The following ZSWIM4 variants were observed in gnomAD, a reference collection of about 807,000 sequenced individuals.
The protein encoded by ZSWIM4 is zinc finger SWIM-type containing 4, also known as zinc finger SWIM domain-containing protein 4.
In ZSWIM4, 62 loss-of-function variants were observed where a neutral mutation model predicts 102.5. The ratio of observed to expected loss-of-function variants is 0.60; its 90% CI spans 0.49 to 0.75. The LOEUF (loss-of-function observed/expected upper bound fraction) is 0.75. Ranked by LOEUF, ZSWIM4 falls within the 30% of genes least tolerant of loss-of-function variation. The pLI is 0.00. For missense variants in ZSWIM4, 1,280 were observed against 1,529.6 expected (o/e 0.84, Z 2.72); for synonymous variants, 652 against 674.5 (o/e 0.97, Z 0.52).
chr19:13,799,887 C>G lies in ZSWIM4; in HGVS notation c.321C>G (p.Leu107=), dbSNP rs763027786. The G allele has an allele frequency of 6.2e-7, 1 of 1,612,812 alleles. No homozygotes were observed. The highest frequency in any genetic ancestry group is 1.3e-5 in the African/African-American group (1 of 74,914). The change falls in exon 2 of 14, where the codon CTC becomes CTG. Residue 107 remains leucine (L), a synonymous_variant. Coordinates refer to ENST00000590508, the MANE Select transcript of ZSWIM4 (RefSeq NM_001367834.3). ...RVPFTRGLHL[L]QSGAVDRVLQ... is the part of the protein sequence containing the mutation. ...CCTTTACCCGCGGGCTGCACCTGCT[C>G]CAGAGCGGGGCCGTGGACCGCGTGT... is the stretch of plus-strand genomic sequence containing the variant.
chr19:13,799,089 A>G (rs886759575), intron 1 of ZSWIM4, among the ~76,000 whole-genome samples: 1 of 150,322 alleles, frequency 6.7e-6, no homozygotes, highest in African/African-American at 2.5e-5. Flanking sequence ...GCCCTGACCT[A>G]TTTTTTTTGA....
At chr19:13,820,419 A>G (rs1379515199) in intron 10 of ZSWIM4, among the ~76,000 whole-genome samples, 1 of 152,092 alleles carries the variant, frequency 6.6e-6, no homozygotes, top group Non-Finnish European at 1.5e-5. Context: ...TATTTTTTGT[A>G]GAGACGGGGT....
intron 12 of ZSWIM4, among the ~76,000 whole-genome samples, chr19:13,827,569 G>A (rs1462280357): frequency 7.6e-5 from 11 of 145,618 alleles, no homozygotes; most frequent in African/African-American, 2.3e-4. Flanking sequence ...CTTCAGCCCC[G>A]GCGACAGAGT....
Position 13,795,655 on chromosome 19 carries a change from C to T in ZSWIM4, c.7C>T (p.Pro3Ser), listed in dbSNP as rs1974588785. The change falls in exon 1 of 14, where the codon CCC becomes TCC. Residue 3 changes from proline to serine, a missense_variant. Pro to Ser is a moderately conservative substitution (Grantham distance 74). Transcript: ENST00000590508. ME[P>S]PAAKRSRGCP... ...CTGGCCCCGGCCGGGCCGGATGGAA[C>T]CCCCCGCGGCCAAGCGGAGCCGGGG... The T allele has an allele frequency of 1.3e-6, 1 of 751,784 alleles. No homozygotes were observed. The highest frequency in any genetic ancestry group is 1.8e-6 in the Non-Finnish European group (1 of 569,520). 46.6% of individuals were successfully genotyped at this position (751,784 alleles called of 1,614,324 possible).
intron 3 of ZSWIM4, 62 bp from the exon 4 acceptor site, chr19:13,808,774 T>TCAACC (rs1230724084): frequency 2.5e-5 from 24 of 945,254 alleles, no homozygotes; most frequent in South Asian, 3.5e-5. Context: ...ACAGCTCTCC[T>TCAACC]CAACCCAACC....
At chr19:13,815,000 T>G in intron 7 of ZSWIM4, 135 bp downstream of exon 7, 1 of 338,904 alleles carries the variant, frequency 3.0e-6, no homozygotes, top group Non-Finnish European at 4.7e-6. Context: ...CTACAAAAAT[T>G]AAAAAAAAAA....
At chr19:13,803,473 T>C (rs975457161) in intron 2 of ZSWIM4, among the ~76,000 whole-genome samples, 3 of 152,122 alleles carry the variant, frequency 2.0e-5, no homozygotes, top group Non-Finnish European at 4.4e-5. Flanking sequence ...ATGATACTAT[T>C]CATAATTAAA....
intron 11 of ZSWIM4, among the ~76,000 whole-genome samples, chr19:13,824,502 C>T (rs148358485): frequency 0.01 from 1,546 of 152,000 alleles, 21 homozygotes; most frequent in African/African-American, 0.036. Context: ...GAGGCCGAGG[C>T]CGGGGGATCA....
Position 13,825,940 on chromosome 19 carries a change from C to A in ZSWIM4, c.2379+227C>A, listed in dbSNP as rs955846601. On this transcript the variant is annotated intron_variant, in intron 12 of 13. Transcript: ENST00000590508. This position sits in a 1 kb window ranked among gnomAD's most constrained non-coding sequence, Gnocchi z 4.6. ...GCGTGGCCTGAGTGTGGGCCACTTC[C>A]TTGGGGGCGTGGCATGAGTGAGCCA... Among the ~76,000 whole-genome samples, 1 of 152,016 alleles carries A rather than the reference C, an allele frequency of 6.6e-6. No homozygotes were observed. The highest frequency in any genetic ancestry group is 2.4e-5 in the African/African-American group (1 of 41,398).
rs759544167 is a variant in ZSWIM4, at chr19:13,809,101, A to G, written c.893A>G (p.Asn298Ser). Reference protein sequence around the residue: ...VREMLRMRDSNGARMLILMTE... With the variant: ...VREMLRMRDSSGARMLILMTE... Reference sequence around the variant, plus strand: ...GAGATGCTGCGAATGCGGGACTCCAACGGGGCGCGCATGCTGATTCTCATG... The same window carrying G: ...GAGATGCTGCGAATGCGGGACTCCAGCGGGGCGCGCATGCTGATTCTCATG... Residue 298 changes from asparagine (N) to serine (S), a missense_variant, in exon 5 of 14, where the codon AAC (asparagine) becomes AGC (serine). Transcript: ENST00000590508. The surrounding 1 kb of genome is among the most constrained non-coding windows in gnomAD (Gnocchi z 4.2). The G allele has an allele frequency of 2.5e-6, 4 of 1,613,610 alleles. No homozygotes were observed. Among genetic ancestry groups the G allele is most frequent in the South Asian group, 2.2e-5 (2 of 91,046 alleles).
At chr19:13,811,600 G>A (rs1229078543) in intron 5 of ZSWIM4, among the ~76,000 whole-genome samples, 1 of 152,146 alleles carries the variant, frequency 6.6e-6, no homozygotes, top group Non-Finnish European at 1.5e-5. Context: ...AAGGCTGAGT[G>A]AGGCAGGAGG....
intron 10 of ZSWIM4, among the ~76,000 whole-genome samples, chr19:13,821,742 G>A (rs1975468577): frequency 1.3e-5 from 2 of 151,102 alleles, no homozygotes; most frequent in South Asian, 4.2e-4. Context: ...TTTTTGAGAG[G>A]GAGTCTCACT....
intron 12 of ZSWIM4, among the ~76,000 whole-genome samples, chr19:13,826,163 C>G (rs144164847): frequency 6.6e-6 from 1 of 152,036 alleles, no homozygotes; most frequent in Non-Finnish European, 1.5e-5. Flanking sequence ...TAATAGAATC[C>G]GTCTATGGAG....
At position 13,825,406 on chromosome 19, in the gene ZSWIM4, C is replaced by A; in HGVS notation, c.2216-144C>A. The A allele has an allele frequency of 9.9e-7, 1 of 1,010,710 alleles. No homozygotes were observed. The highest frequency in any genetic ancestry group is 1.4e-6 in the Non-Finnish European group (1 of 691,192). The allele number at this position is 1,010,710 out of a possible 1,614,324, so 62.6% of individuals were successfully genotyped here. A position where few individuals can be genotyped will look rare whatever the true frequency, so the allele number is the denominator to read the frequency against. The stretch of plus-strand genomic sequence containing the variant: ...CTAGGGGCACTGAGGTCTGAATCTT[C>A]ACAGAACCATGGCCCAGTACACATC... On this transcript the variant is annotated intron_variant, in intron 11 of 13. Transcript: ENST00000590508. This position sits in a 1 kb window ranked among gnomAD's most constrained non-coding sequence, Gnocchi z 4.6.
Position 13,830,655 on chromosome 19 carries a change from C to T in ZSWIM4, c.2926C>T (p.Arg976Trp), listed in dbSNP as rs1975738022. The T allele has an allele frequency of 1.9e-6, 3 of 1,602,474 alleles. No individual in the cohort carries two copies. Among genetic ancestry groups the T allele is most frequent in the Non-Finnish European group, 2.5e-6 (3 of 1,179,718 alleles). ...CTGCTCTCTCAGCCACTCCCTGGGC[C>T]GGCACGAGCTCTCTGCCATCGTCCC... ...WACSLSHSLG[R>W]HELSAIVPLI... Residue 976 changes from arginine to tryptophan, a missense_variant, in exon 14 of 14, where the codon CGG becomes TGG. Transcript: ENST00000590508.
At chr19:13,828,433 C>A (rs1294797877) in intron 12 of ZSWIM4, among the ~76,000 whole-genome samples, 2 of 151,964 alleles carry the variant, frequency 1.3e-5, no homozygotes, top group South Asian at 4.2e-4. Flanking sequence ...AAAACAACAA[C>A]AAAAAAGAAA....
At chr19:13,799,569 C>A in intron 1 of ZSWIM4, 151 bp from the exon 2 acceptor site, 1 of 736,234 alleles carries the variant, frequency 1.4e-6, no homozygotes, top group Non-Finnish European at 2.3e-6. Flanking sequence ...AGCCATCGTG[C>A]CCGGCCAGTT....
At chr19:13,818,452 GT>G (rs1975364569) in intron 9 of ZSWIM4, among the ~76,000 whole-genome samples, 1 of 152,134 alleles carries the variant, frequency 6.6e-6, no homozygotes, top group Non-Finnish European at 1.5e-5. Flanking sequence ...TTGGCCGCTG[GT>G]CCCGTTCCCC....
chr19:13,808,149 C>G (rs1974969054), intron 3 of ZSWIM4, among the ~76,000 whole-genome samples: 1 of 152,050 alleles, frequency 6.6e-6, no homozygotes, highest in Non-Finnish European at 1.5e-5. Flanking sequence ...CATTAGAAAC[C>G]ATCCCCATGA....
Sources: allele counts gnomAD v4.1 joint callset (sites outside exome capture counted in the v4.1 genomes callset), GRCh38; gene constraint gnomAD v4.1.1; non-coding constraint Gnocchi (gnomAD v3.1); transcripts MANE v1.5; gene names NCBI Gene and HGNC (gene_info 2026-07-23, HGNC 2026-07-21).